Variants in AIMP2 observed in about 807,000 individuals in gnomAD.
AIMP2 encodes aminoacyl tRNA synthetase complex interacting multifunctional protein 2.
In AIMP2, 20 loss-of-function variants were observed where a neutral mutation model predicts 23.4. The ratio of observed to expected loss-of-function variants is 0.85; its 90% CI spans 0.60 to 1.24. AIMP2 has a LOEUF of 1.24. Ranked by LOEUF, AIMP2 falls within the 50% of genes most tolerant of loss-of-function variation. AIMP2 has a pLI of 0.00. For missense variants in AIMP2, 515 were observed against 414.5 expected, an observed-to-expected ratio of 1.24 and a Z score of -2.10; for synonymous variants, 210 against 170.4, an observed-to-expected ratio of 1.23 and a Z score of -1.81.
intron 2 of AIMP2, 67 bp from the exon 3 acceptor site, chr7:6,017,747 A>T: frequency 1.4e-6 from 2 of 1,423,848 alleles, no homozygotes; most frequent in South Asian, 1.3e-5. Flanking sequence ...AGGTTCTTAG[A>T]CTCGCGCCCG....
At chr7:6,021,967 C>T (rs1417127798) in intron 3 of AIMP2, among the ~76,000 whole-genome samples, 1 of 152,184 alleles carries the variant, frequency 6.6e-6, no homozygotes, top group Non-Finnish European at 1.5e-5. Context: ...ACCTCCTCCA[C>T]CTCTTCCACC....
At chr7:6,019,060 C>T (rs1267557706) in intron 3 of AIMP2, among the ~76,000 whole-genome samples, 2 of 151,690 alleles carry the variant, frequency 1.3e-5, no homozygotes, top group Non-Finnish European at 2.9e-5. Flanking sequence ...ATCCCAACTG[C>T]GTAACATTAA....
At chr7:6,010,648 C>T (rs1786602649) in intron 1 of AIMP2, among the ~76,000 whole-genome samples, 1 of 151,982 alleles carries the variant, frequency 6.6e-6, no homozygotes, top group Non-Finnish European at 1.5e-5. Flanking sequence ...GGGGTTTCAC[C>T]ATGTTGGCCA....
rs565813658 is a variant in AIMP2 at position 6,023,173 on chromosome 7, GTTC to G, written c.575-124_575-122del. ...CTTAGAGACAGACTGAAAATGTGAT[GTTC>G]TTCTTGAAAACACCCTTTCCCATGT... On this transcript the variant is annotated intron_variant, in intron 3 of 3. Coordinates refer to ENST00000223029, the MANE Select transcript of AIMP2 (RefSeq NM_006303.4). The G allele has an allele frequency of 9.2e-4, 1,008 of 1,101,338 alleles. 5 individuals are homozygous for G. Among genetic ancestry groups the G allele is most frequent in the Middle Eastern group, 4.0e-3 (13 of 3,272 alleles). 68.2% of individuals were successfully genotyped at this position (1,101,338 alleles called of 1,614,324 possible).
At chr7:6,020,987 A>C (rs2345055) in intron 3 of AIMP2, among the ~76,000 whole-genome samples, 90,283 of 151,984 alleles carry the variant, frequency 0.59, 26,929 homozygotes, top group Non-Finnish European at 0.63. Context: ...TCTGGACAAG[A>C]ACGCTTTTTC....
chr7:6,010,766 A>G (rs1271570876), intron 1 of AIMP2, among the ~76,000 whole-genome samples: 2 of 151,124 alleles, frequency 1.3e-5, no homozygotes, highest in Non-Finnish European at 2.9e-5. Context: ...AATAGTCTTC[A>G]TATAGGTAAG....
intron 1 of AIMP2, chr7:6,012,607 G>T (rs950077225): frequency 4.0e-6 from 1 of 247,738 alleles, no homozygotes; most frequent in African/African-American, 2.3e-5. Flanking sequence ...ACCCAGTCTG[G>T]AGTGCAATGT....
chr7:6,009,310 G>A lies in AIMP2; in HGVS notation c.-54G>A, dbSNP rs1474453802. 4 of 1,611,176 alleles carry A rather than the reference G, an allele frequency of 2.5e-6. No homozygotes were observed. The highest frequency in any genetic ancestry group is 3.4e-6 in the Non-Finnish European group (4 of 1,179,848). On this transcript the variant is annotated 5_prime_UTR_variant, in exon 1 of 4. Transcript: ENST00000223029. ...CCGGTCTCCGTCGTGACCTCTGACG[G>A]TTTCTGAGCGTTGGCCTTTGGCACG...
At chr7:6,015,960 G>A (rs1389222700) in intron 2 of AIMP2, among the ~76,000 whole-genome samples, 1 of 152,154 alleles carries the variant, frequency 6.6e-6, no homozygotes, top group Non-Finnish European at 1.5e-5. Context: ...CCGGGCATGG[G>A]TCCAGCAGCT....
chr7:6,017,923 CG>C lies in AIMP2; in HGVS notation c.454del (p.Val152CysfsTer36). 1.2e-6 allele frequency: 2 copies of C among 1,614,074 alleles called. No homozygotes were observed. The highest frequency in any genetic ancestry group is 2.7e-5 in the African/African-American group (2 of 75,010). ...LLCEHFRVLS[T>X]VHTHSSVKSV... Reference sequence around the variant, plus strand: ...TGTGAGCACTTCAGGGTCCTGTCCACGGTGCACACGCACTCCTCGGTCAAGA... The same window carrying C: ...TGTGAGCACTTCAGGGTCCTGTCCACGTGCACACGCACTCCTCGGTCAAGA... On this transcript the variant is annotated frameshift_variant, in exon 3 of 4. Coordinates refer to ENST00000223029, the MANE Select transcript of AIMP2 (RefSeq NM_006303.4). LOFTEE classifies it high-confidence loss of function.
chr7:6,023,479 G>A lies in AIMP2; in HGVS notation c.751G>A (p.Glu251Lys). 6.2e-7 allele frequency: 1 copy of A among 1,614,136 alleles called. No individual in the cohort carries two copies. The highest frequency in any genetic ancestry group is 8.5e-7 in the Non-Finnish European group (1 of 1,179,970). Residue 251 changes from glutamate to lysine, a missense_variant, in exon 4 of 4, where the codon GAA (glutamate) becomes AAA (lysine). Coordinates refer to ENST00000223029, the MANE Select transcript of AIMP2 (RefSeq NM_006303.4). ...TCAGTTAAAAGAGGGAAGCAGTAAA[G>A]AAAAAGCCGCTGTTTTCCGCTCCAT... The part of the protein sequence containing the change: ...IFQLKEGSSK[E>K]KAAVFRSMNS...
chr7:6,019,501 AAAG>A (rs1286533815), intron 3 of AIMP2, among the ~76,000 whole-genome samples: 144 of 151,446 alleles, frequency 9.5e-4, no homozygotes, highest in Non-Finnish European at 1.8e-3. Flanking sequence ...AAAAAAAAAA[AAAG>A]AGATCTCTTG....
chr7:6,023,129 C>T (rs1045735917), intron 3 of AIMP2, 174 bp from the exon 4 acceptor site: 119 of 722,824 alleles, frequency 1.6e-4, no homozygotes, highest in Non-Finnish European at 2.3e-4. Flanking sequence ...GCACTTAAAC[C>T]CTTTTCAGTA....
At chr7:6,019,617 G>A (rs999202177) in intron 3 of AIMP2, among the ~76,000 whole-genome samples, 2 of 152,032 alleles carry the variant, frequency 1.3e-5, no homozygotes, top group African/African-American at 4.8e-5. Context: ...TTCCCAAGAA[G>A]CAGAGAAAAG....
intron 2 of AIMP2, among the ~76,000 whole-genome samples, chr7:6,017,313 C>T (rs74219302): frequency 0.057 from 8,579 of 151,346 alleles, 571 homozygotes; most frequent in East Asian, 0.34. Flanking sequence ...GTCAGGAGTT[C>T]GAGAACAGCC....
Position 6,017,910 on chromosome 7 carries a change from A to G in AIMP2, c.439A>G (p.Arg147Gly). Reference protein sequence around the residue: ...VLHRLLCEHFRVLSTVHTHSS... With the variant: ...VLHRLLCEHFGVLSTVHTHSS... ...GCACAGGCTGCTCTGTGAGCACTTC[A>G]GGGTCCTGTCCACGGTGCACACGCA... The change falls in exon 3 of 4, where the codon AGG becomes GGG. Residue 147 changes from arginine to glycine, a missense_variant. Coordinates refer to ENST00000223029, the MANE Select transcript of AIMP2 (RefSeq NM_006303.4). 1 of 1,614,036 alleles carries G rather than the reference A, an allele frequency of 6.2e-7. No homozygotes were observed. The highest frequency in any genetic ancestry group is 8.5e-7 in the Non-Finnish European group (1 of 1,180,002).
chr7:6,012,085 G>A (rs1467585563), intron 1 of AIMP2, among the ~76,000 whole-genome samples: 1 of 151,972 alleles, frequency 6.6e-6, no homozygotes, highest in Non-Finnish European at 1.5e-5. Flanking sequence ...AAACCCCATT[G>A]TTACAAAAAG....
chr7:6,023,561 A>T lies in AIMP2; in HGVS notation c.833A>T (p.Asp278Val). ...WLAGNELTVA[D>V]VVLWSVLQQI... ...GCTGGGAATGAACTCACCGTAGCAGACGTGGTGCTGTGGTCTGTACTCCAG... is the reference window on the plus strand; with the variant it reads ...GCTGGGAATGAACTCACCGTAGCAGTCGTGGTGCTGTGGTCTGTACTCCAG... The change falls in exon 4 of 4, where the codon GAC becomes GTC. Residue 278 changes from aspartate (D) to valine (V), a missense_variant. Asp to Val is a radical substitution (Grantham distance 152). Coordinates refer to ENST00000223029, the MANE Select transcript of AIMP2 (RefSeq NM_006303.4). 1 of 1,614,246 alleles carries T rather than the reference A, an allele frequency of 6.2e-7. No homozygotes were observed. Among genetic ancestry groups the T allele is most frequent in the Non-Finnish European group, 8.5e-7 (1 of 1,180,050 alleles).
In AIMP2 at chr7:6,014,950, C is replaced by T. The variant is rs974830498; in HGVS notation, c.136-196C>T. 17 of 1,234,740 alleles carry T rather than the reference C, an allele frequency of 1.4e-5. No homozygotes were observed. The Admixed American group carries it at 2.5e-4, about 18-fold the overall frequency. The allele number at this position is 1,234,740 out of a possible 1,614,324, so 76.5% of individuals were successfully genotyped here. A position where few individuals can be genotyped will look rare whatever the true frequency, so the allele number is the denominator to read the frequency against. On this transcript the variant is annotated intron_variant, in intron 1 of 3. Transcript: ENST00000223029. ...GGCCAGGCTGGTCTTGAACTCCTGA[C>T]GTCAGATGATCTGCCTACCTGGACC... is the stretch of plus-strand genomic sequence containing the variant.
Sources: gnomAD v4.1 joint callset for allele counts (sites outside exome capture counted in the v4.1 genomes callset) on GRCh38, gnomAD v4.1.1 for gene constraint, MANE v1.5 for transcripts, NCBI Gene and HGNC (gene_info 2026-07-23, HGNC 2026-07-21) for gene names.